The following SNX25 variants were observed in gnomAD, a reference collection of about 807,000 sequenced individuals.
The protein encoded by SNX25 is sorting nexin 25, also known as sorting nexin-25.
Under a neutral mutation model 113.7 loss-of-function variants are expected in SNX25, and 62 were observed. That is an observed-to-expected ratio of 0.55 (90% CI 0.44 to 0.67). The LOEUF is 0.67. Among genes scored for constraint, SNX25 ranks in the 30% least tolerant of loss-of-function variants. The pLI, the probability that SNX25 is intolerant of heterozygous loss-of-function variation, is 0.00. For synonymous variants in SNX25, 421 were observed against 436.2 expected (o/e 0.97, Z 0.43); for missense variants, 1,014 against 1,161.0 (o/e 0.87, Z 1.84).
intron 1 of SNX25, among the ~76,000 whole-genome samples, chr4:185,212,313 T>A (rs986807988): frequency 3.9e-4 from 59 of 150,794 alleles, no homozygotes; most frequent in Middle Eastern, 3.6e-3. Flanking sequence ...AATTTTTTTT[T>A]AAATTTTTTA....
At chr4:185,329,960 C>T (rs1306802151) in intron 9 of SNX25, among the ~76,000 whole-genome samples, 1 of 152,102 alleles carries the variant, frequency 6.6e-6, no homozygotes, top group Non-Finnish European at 1.5e-5. Flanking sequence ...CCACTGCTTC[C>T]TGGGTTGTGA....
At chr4:185,291,615 TG>T (rs1752180616) in intron 6 of SNX25, among the ~76,000 whole-genome samples, 1 of 152,246 alleles carries the variant, frequency 6.6e-6, no homozygotes, top group Non-Finnish European at 1.5e-5. Flanking sequence ...CTGAATGCGC[TG>T]GGGGAGCCTC....
intron 1 of SNX25, among the ~76,000 whole-genome samples, chr4:185,235,646 T>G (rs1399806473): frequency 6.6e-6 from 1 of 152,206 alleles, no homozygotes; most frequent in Non-Finnish European, 1.5e-5. Flanking sequence ...CATCCCAACA[T>G]TTTGTGAAAC....
chr4:185,308,631 G>A (rs368376196), intron 6 of SNX25, among the ~76,000 whole-genome samples: 49 of 152,300 alleles, frequency 3.2e-4, no homozygotes, highest in South Asian at 6.2e-4. Context: ...TTTAATGAGC[G>A]TCTCCTTTGC....
chr4:185,278,425 G>A (rs534013444), intron 5 of SNX25, among the ~76,000 whole-genome samples: 1 of 152,302 alleles, frequency 6.6e-6, no homozygotes, highest in South Asian at 2.1e-4. Flanking sequence ...TCGAGCCTCA[G>A]TTTTAACTGT....
intron 2 of SNX25, among the ~76,000 whole-genome samples, chr4:185,249,648 A>T (rs1019103377): frequency 2.0e-5 from 3 of 150,438 alleles, no homozygotes; most frequent in African/African-American, 7.3e-5. Flanking sequence ...TTCTTTAGAT[A>T]GATAGGATGA....
chr4:185,234,669 G>A (rs1742352942), intron 1 of SNX25, among the ~76,000 whole-genome samples: 3 of 16,944 alleles, frequency 1.8e-4, no homozygotes. Context: ...GCGACAGAGC[G>A]AGACTCTGTC....
chr4:185,347,830 G>T (rs1433556526), intron 13 of SNX25, among the ~76,000 whole-genome samples: 5 of 152,136 alleles, frequency 3.3e-5, no homozygotes, highest in Admixed American at 2.0e-4. Flanking sequence ...TGTTTTATGG[G>T]TTTGTCCATG....
chr4:185,315,682 A>G (rs2095068409), intron 7 of SNX25, among the ~76,000 whole-genome samples: 2 of 152,140 alleles, frequency 1.3e-5, no homozygotes, highest in Non-Finnish European at 2.9e-5. Context: ...GAACACTTCA[A>G]CTCATCCTAG....
intron 1 of SNX25, among the ~76,000 whole-genome samples, chr4:185,216,481 T>C (rs1738842503): frequency 6.6e-6 from 1 of 151,086 alleles, no homozygotes; most frequent in Admixed American, 6.6e-5. Flanking sequence ...GCTAATCAAG[T>C]GTACCCAGGA....
downstream of SNX25, chr4:185,374,570 T>A (rs2095426907): frequency 1.7e-6 from 2 of 1,180,224 alleles, no homozygotes. Flanking sequence ...CGATGTATAA[T>A]ACTATGAATC....
intron 1 of SNX25, among the ~76,000 whole-genome samples, chr4:185,219,015 G>T (rs1470020217): frequency 6.6e-6 from 1 of 152,130 alleles, no homozygotes. Flanking sequence ...TGTATTTGGG[G>T]ATAATCTCAA....
At chr4:185,327,084 C>T (rs2095162061) in intron 9 of SNX25, among the ~76,000 whole-genome samples, 1 of 152,146 alleles carries the variant, frequency 6.6e-6, no homozygotes, top group Non-Finnish European at 1.5e-5. Context: ...ATTCTTATGC[C>T]TCCTTATAAT....
intron 4 of SNX25, among the ~76,000 whole-genome samples, chr4:185,265,238 G>T (rs1188214733): frequency 6.6e-6 from 1 of 152,192 alleles, no homozygotes; most frequent in African/African-American, 2.4e-5. Flanking sequence ...TGTGTCCGAA[G>T]AAATGTGTCA....
At chr4:185,312,937 GAC>G (rs759435422) in intron 7 of SNX25, among the ~76,000 whole-genome samples, 55 of 152,332 alleles carry the variant, frequency 3.6e-4, no homozygotes, top group Admixed American at 7.2e-4. Flanking sequence ...GCTAAGATAA[GAC>G]AGAATTCCAA....
In SNX25 at chr4:185,275,760, C is replaced by T. The variant is rs185948652; in HGVS notation, c.1091+8605C>T. 7.7e-4 allele frequency among the ~76,000 whole-genome samples: 117 copies of T among 152,230 alleles called. 1 individual carries two copies. Among genetic ancestry groups the T allele is most frequent in the Admixed American group, 2.2e-3 (34 of 15,294 alleles). ...AAGTGTACCTCCATACAAACTAATA[C>T]ATCATGTCAGCAATCAGTGAGCACA... On this transcript the variant is annotated intron_variant, in intron 5 of 18. Coordinates refer to ENST00000652585, the MANE Select transcript of SNX25 (RefSeq NM_001378034.2).
At chr4:185,377,036 A>G in the SNX25 span, 2 of 1,515,916 alleles carry the variant, frequency 1.3e-6, no homozygotes, top group Non-Finnish European at 1.8e-6. Flanking sequence ...TAAAAAGGTA[A>G]GGAATTCCAT....
chr4:185,365,272 A>G (rs2095382827), downstream of SNX25: 1 of 152,146 alleles, frequency 6.6e-6, no homozygotes, highest in South Asian at 2.1e-4. Context: ...AAAGTTTATG[A>G]TTTCTGAAAC....
chr4:185,247,815 A>C (rs1745070559), intron 2 of SNX25, among the ~76,000 whole-genome samples: 1 of 152,200 alleles, frequency 6.6e-6, no homozygotes, highest in Admixed American at 6.5e-5. Context: ...GCTTGTCTTG[A>C]AGAAGGCAGA....
Sources: gnomAD v4.1 joint callset for allele counts (sites outside exome capture counted in the v4.1 genomes callset) on GRCh38, gnomAD v4.1.1 for gene constraint, MANE v1.5 for transcripts, NCBI Gene and HGNC (gene_info 2026-07-23, HGNC 2026-07-21) for gene names.